PTPRD: variants seen among roughly 807,000 people sequenced by gnomAD.
The protein encoded by PTPRD is receptor-type tyrosine-protein phosphatase delta.
Under a neutral mutation model 214.5 loss-of-function variants are expected in PTPRD, and 34 were observed. The ratio of observed to expected loss-of-function variants is 0.16; its 90% CI spans 0.12 to 0.21. The LOEUF (loss-of-function observed/expected upper bound fraction) is 0.21. Among genes scored for constraint, PTPRD ranks in the 10% least tolerant of loss-of-function variants. The pLI, the probability that PTPRD is intolerant of heterozygous loss-of-function variation, is 1.00. For synonymous variants in PTPRD, 1,128 were observed against 845.7 expected (o/e 1.33, Z -5.79); for missense variants, 2,545 against 2,398.7 (o/e 1.06, Z -1.27).
At chr9:8,388,979 TTCC>T (rs1351090627) in intron 37 of PTPRD, among the ~76,000 whole-genome samples, 4 of 122,954 alleles carry the variant, frequency 3.3e-5, no homozygotes, top group African/African-American at 1.4e-4. Flanking sequence ...CCTGTGAATA[TTCC>T]TTTTTTTTTT....
chr9:9,650,519 T>G (rs2096310042), intron 7 of PTPRD, among the ~76,000 whole-genome samples: 1 of 152,212 alleles, frequency 6.6e-6, no homozygotes, highest in African/African-American at 2.4e-5. Context: ...CCTGAAATTT[T>G]CTTTTTTTGT....
chr9:9,078,731 C>T (rs760732821), intron 10 of PTPRD, among the ~76,000 whole-genome samples: 2 of 151,998 alleles, frequency 1.3e-5, no homozygotes, highest in African/African-American at 4.8e-5. Flanking sequence ...AATATGGTTG[C>T]AACAGAGGAC....
chr9:8,437,944 G>C (rs941109079), intron 34 of PTPRD, among the ~76,000 whole-genome samples: 2 of 152,058 alleles, frequency 1.3e-5, no homozygotes, highest in African/African-American at 2.4e-5. Context: ...TAATTTTACA[G>C]AAGTATCATG....
chr9:10,466,811 T>G (rs2098997817), intron 2 of PTPRD, among the ~76,000 whole-genome samples: 1 of 152,052 alleles, frequency 6.6e-6, no homozygotes, highest in African/African-American at 2.4e-5. Context: ...GATGGCTTAG[T>G]GGCAAAACCT....
At chr9:9,576,650 T>G (rs1267910852) in intron 7 of PTPRD, among the ~76,000 whole-genome samples, 1 of 152,168 alleles carries the variant, frequency 6.6e-6, no homozygotes, top group Non-Finnish European at 1.5e-5. Flanking sequence ...AAAGGTTGAG[T>G]ATTAGAATTA....
intron 5 of PTPRD, among the ~76,000 whole-genome samples, chr9:9,822,319 G>A (rs1158884976): frequency 6.6e-6 from 1 of 151,376 alleles, no homozygotes; most frequent in African/African-American, 2.4e-5. Flanking sequence ...GCTGAGGCAG[G>A]AGAATCACTT....
rs2053946396 is a variant in PTPRD, at chr9:10,525,449, G to C, written c.-600+86949C>G. 2.6e-5 allele frequency among the ~76,000 whole-genome samples: 4 copies of C among 151,936 alleles called. No individual in the cohort carries two copies. In the South Asian group the frequency reaches 8.3e-4, roughly 31 times the overall value. ...CATTATATACTCAGTACAAATTACA[G>C]ATGATATGAAAATTAATCCAACAAA... On this transcript the variant is annotated intron_variant, in intron 2 of 45. Coordinates refer to ENST00000381196, the MANE Select transcript of PTPRD (RefSeq NM_002839.4).
intron 8 of PTPRD, among the ~76,000 whole-genome samples, chr9:9,436,026 TC>T (rs1236101309): frequency 1.3e-5 from 2 of 152,136 alleles, no homozygotes; most frequent in Non-Finnish European, 2.9e-5. Context: ...TACCCTGACC[TC>T]ACCTCTACTT....
intron 2 of PTPRD, among the ~76,000 whole-genome samples, chr9:10,364,087 C>A (rs113985662): frequency 6.9e-6 from 1 of 144,780 alleles, no homozygotes; most frequent in African/African-American, 2.6e-5. Context: ...ACAAGCTCCC[C>A]CTCCCGGGTT....
intron 14 of PTPRD, among the ~76,000 whole-genome samples, chr9:8,556,223 G>C (rs758347633): frequency 1.3e-5 from 2 of 152,188 alleles, no homozygotes; most frequent in Non-Finnish European, 2.9e-5. Context: ...ATATAAGTCT[G>C]GTCTCTTAGG....
chr9:9,949,559 C>A lies in PTPRD; in HGVS notation c.-471-10949G>T, dbSNP rs542265953. ...ATTTTCCCAGGGATAATGCTACTCA[C>A]ATACCAAAGGGAAAAATCATACGAC... On this transcript the variant is annotated intron_variant, in intron 4 of 45. Transcript: ENST00000381196. Among the ~76,000 whole-genome samples, 22 of 152,212 alleles carry A rather than the reference C, an allele frequency of 1.4e-4. 1 individual carries two copies. Among genetic ancestry groups the A allele is most frequent in the African/African-American group, 5.1e-4 (21 of 41,530 alleles).
At chr9:10,453,417 A>C (rs1029541122) in intron 2 of PTPRD, among the ~76,000 whole-genome samples, 1 of 151,658 alleles carries the variant, frequency 6.6e-6, no homozygotes, top group African/African-American at 2.4e-5. Context: ...ATATTTTAGC[A>C]ATATTAATTG....
intron 11 of PTPRD, among the ~76,000 whole-genome samples, chr9:8,833,795 T>G (rs569383886): frequency 4.5e-4 from 68 of 151,380 alleles, no homozygotes; most frequent in African/African-American, 1.5e-3. Flanking sequence ...CTGTTAAAAT[T>G]TAGGCTTTGA....
chr9:8,494,852 G>C (rs897278973), intron 26 of PTPRD, among the ~76,000 whole-genome samples: 3 of 152,016 alleles, frequency 2.0e-5, no homozygotes, highest in African/African-American at 7.2e-5. Context: ...TAAGTGGTGG[G>C]TGCACTTCCT....
intron 7 of PTPRD, among the ~76,000 whole-genome samples, chr9:9,682,188 T>C (rs2097088199): frequency 6.6e-6 from 1 of 151,710 alleles, no homozygotes; most frequent in African/African-American, 2.4e-5. Flanking sequence ...ATCCCCCTCC[T>C]CGAAGTCTGC....
intron 35 of PTPRD, among the ~76,000 whole-genome samples, chr9:8,406,642 T>C (rs532091591): frequency 8.5e-5 from 13 of 152,326 alleles, no homozygotes; most frequent in Middle Eastern, 3.4e-3. Flanking sequence ...ATGAACAGAA[T>C]TGATGAATAA....
chr9:9,871,924 T>C (rs1172301807), intron 5 of PTPRD, among the ~76,000 whole-genome samples: 1 of 152,088 alleles, frequency 6.6e-6, no homozygotes, highest in Non-Finnish European at 1.5e-5. Context: ...CTAAGGTTTA[T>C]TGCCTATTTT....
intron 9 of PTPRD, among the ~76,000 whole-genome samples, chr9:9,379,479 C>T (rs1286372773): frequency 6.6e-6 from 1 of 151,822 alleles, no homozygotes. Flanking sequence ...ATCAGTCCTC[C>T]AACTTTGTTC....
At chr9:10,440,900 G>C (rs1291344655) in intron 2 of PTPRD, among the ~76,000 whole-genome samples, 1 of 151,674 alleles carries the variant, frequency 6.6e-6, no homozygotes, top group Non-Finnish European at 1.5e-5. Flanking sequence ...TTGGAATATA[G>C]ACTCCTGGAG....
Sources: gnomAD v4.1 joint callset for allele counts (sites outside exome capture counted in the v4.1 genomes callset) on GRCh38, gnomAD v4.1.1 for gene constraint, MANE v1.5 for transcripts, NCBI Gene and HGNC (gene_info 2026-07-23, HGNC 2026-07-21) for gene names.